The following CETP variants were observed in gnomAD, a reference collection of about 807,000 sequenced individuals.
CETP encodes BPI fold containing family F.
Under a neutral mutation model 66.5 loss-of-function variants are expected in CETP, and 56 were observed. That is an observed-to-expected ratio of 0.84 (90% CI 0.68 to 1.05). CETP has a LOEUF of 1.05. Ranked by LOEUF, CETP falls within the 50% of genes least tolerant of loss-of-function variation. CETP has a pLI of 0.00. For missense variants in CETP, 612 were observed against 609.6 expected, an observed-to-expected ratio of 1.00 and a Z score of -0.04; for synonymous variants, 251 against 245.7, an observed-to-expected ratio of 1.02 and a Z score of -0.20.
At chr16:56,977,275 T>C (rs2056156376) in intron 10 of CETP, among the ~76,000 whole-genome samples, 2 of 152,208 alleles carry the variant, frequency 1.3e-5, no homozygotes, top group South Asian at 4.2e-4. Flanking sequence ...TATCCAGCGG[T>C]TCAGTGGTTT....
At chr16:56,970,803 G>A (rs1301059300) in intron 5 of CETP, among the ~76,000 whole-genome samples, 2 of 152,234 alleles carry the variant, frequency 1.3e-5, no homozygotes, top group African/African-American at 4.8e-5. Flanking sequence ...TGTGACAGGT[G>A]TGAGCGTCAC....
intron 1 of CETP, among the ~76,000 whole-genome samples, chr16:56,962,762 A>G (rs2056033342): frequency 6.6e-6 from 1 of 152,062 alleles, no homozygotes; most frequent in Non-Finnish European, 1.5e-5. Flanking sequence ...TGGGGTTCCC[A>G]TGTGTCAGGA....
Position 56,970,835 on chromosome 16 carries a change from A to G in CETP, c.528-198A>G, listed in dbSNP as rs12720862. ...TCACAGGAGCTGGGCCCTCCCGAGG[A>G]ATTCTGGGATGGTGCCACAGTTAAT... On this transcript the variant is annotated intron_variant, in intron 5 of 15. Transcript: ENST00000200676. Among the ~76,000 whole-genome samples the G allele has an allele frequency of 0.026, 3,965 of 152,210 alleles. 190 individuals are homozygous for G. The highest frequency in any genetic ancestry group is 0.09 in the African/African-American group (3,743 of 41,518).
At chr16:56,973,154 C>G (rs935439147) in intron 8 of CETP, among the ~76,000 whole-genome samples, 177 bp from the exon 9 acceptor site, 7 of 152,172 alleles carry the variant, frequency 4.6e-5, no homozygotes, top group Admixed American at 6.6e-5. Flanking sequence ...GTGGGCACTC[C>G]GGAAGTATTT....
At chr16:56,980,238 TTTG>T (rs1397799188) in intron 11 of CETP, among the ~76,000 whole-genome samples, 4 of 152,228 alleles carry the variant, frequency 2.6e-5, no homozygotes, top group Non-Finnish European at 5.9e-5. Context: ...GCCGTTCTTT[TTTG>T]TTGTTGTTTG....
At position 56,969,629 on chromosome 16, in the gene CETP, C is replaced by T; in HGVS notation, c.387C>T (p.Ser129=). 6.2e-7 allele frequency: 1 copy of T among 1,614,164 alleles called. No homozygotes were observed. Among genetic ancestry groups the T allele is most frequent in the African/African-American group, 1.3e-5 (1 of 75,018 alleles). The change falls in exon 4 of 16, where the codon TCC becomes TCT. Residue 129 remains serine (S), a synonymous_variant. Coordinates refer to ENST00000200676, the MANE Select transcript of CETP (RefSeq NM_000078.3). Reference sequence around the variant, plus strand: ...TTTCCAGGCTGGGTATTGATCAGTCCATTGACTTCGAGATCGACTCTGCCA... The same window carrying T: ...TTTCCAGGCTGGGTATTGATCAGTCTATTGACTTCGAGATCGACTCTGCCA... ...TTAWWLGIDQ[S]IDFEIDSAID...
chr16:56,970,028 T>C (rs781374059), intron 5 of CETP, 27 bp downstream of exon 5: 6 of 1,599,586 alleles, frequency 3.8e-6, no homozygotes, highest in Admixed American at 1.7e-5. Context: ...GTGGCCCCCA[T>C]TCCTGCTCGT....
intron 2 of CETP, among the ~76,000 whole-genome samples, chr16:56,966,723 C>T (rs1253680481): frequency 2.0e-5 from 3 of 151,940 alleles, no homozygotes; most frequent in Non-Finnish European, 4.4e-5. Context: ...CCTCAACCTC[C>T]CGAGCAGCTG....
In CETP at chr16:56,969,527, A is replaced by C. The variant is rs746780900; in HGVS notation, c.368+7A>C. 2 of 1,614,210 alleles carry C rather than the reference A, an allele frequency of 1.2e-6. No individual in the cohort carries two copies. The highest frequency in any genetic ancestry group is 2.2e-5 in the South Asian group (2 of 91,082). ...GCTACACCACTGCCTGGTGGTAAGC[A>C]TTCCTGTCAGCTGATGCCCCATGCC... On this transcript the variant is annotated splice_region_variant and intron_variant, in intron 3 of 15. Transcript: ENST00000200676.
At chr16:56,967,475 T>G (rs145143326) in intron 2 of CETP, among the ~76,000 whole-genome samples, 2,308 of 152,038 alleles carry the variant, frequency 0.015, 98 homozygotes, top group East Asian at 0.12. Flanking sequence ...GGCAACATGG[T>G]GAAACCCCCT....
At chr16:56,967,836 G>T (rs1269476609) in intron 2 of CETP, among the ~76,000 whole-genome samples, 1 of 152,010 alleles carries the variant, frequency 6.6e-6, no homozygotes, top group African/African-American at 2.4e-5. Flanking sequence ...CAGTGTTGGT[G>T]CATGCCTGTG....
chr16:56,983,453 G>A (rs747666098), intron 15 of CETP, 42 bp downstream of exon 15: 10 of 1,604,366 alleles, frequency 6.2e-6, no homozygotes, highest in South Asian at 1.1e-5. Context: ...TTCCTGGGGA[G>A]AGAGGCCCAG....
chr16:56,970,000 G>C lies in CETP; in HGVS notation c.526G>C (p.Glu176Gln), dbSNP rs1451061046. 6.2e-7 allele frequency: 1 copy of C among 1,613,324 alleles called. No homozygotes were observed. Among genetic ancestry groups the C allele is most frequent in the South Asian group, 1.1e-5 (1 of 90,974 alleles). Reference protein sequence around the residue: ...KLLLHLQGEREPGWIKQLFTN... With the variant: ...KLLLHLQGERQPGWIKQLFTN... ...GCTCCTGCATCTCCAAGGGGAGCGA[G>C]AGTAAGTACACCACCCTGTGGCCCC... The change falls in exon 5 of 16, where the codon GAG (glutamate) becomes CAG (glutamine). Residue 176 changes from glutamate to glutamine, a missense_variant and splice_region_variant. Transcript: ENST00000200676.
In CETP at chr16:56,980,328, G is replaced by T. The variant is rs553282787; in HGVS notation, c.1147-830G>T. On this transcript the variant is annotated intron_variant, in intron 11 of 15. Coordinates refer to ENST00000200676, the MANE Select transcript of CETP (RefSeq NM_000078.3). ...CTCCCACCTCAGCTTCTCGACTAGA[G>T]ATGTGCACTACCACGTATTTTTTTG... 4.6e-5 allele frequency among the ~76,000 whole-genome samples: 7 copies of T among 152,230 alleles called. No individual in the cohort carries two copies. The South Asian group carries it at 1.5e-3, about 32-fold the overall frequency.
rs531479053 is a variant in CETP, at chr16:56,964,116, T to A, written c.233+992T>A. 1.2e-4 allele frequency among the ~76,000 whole-genome samples: 18 copies of A among 151,954 alleles called. No individual in the cohort carries two copies. The South Asian group carries it at 3.3e-3, about 28-fold the overall frequency. On this transcript the variant is annotated intron_variant, in intron 2 of 15. Coordinates refer to ENST00000200676, the MANE Select transcript of CETP (RefSeq NM_000078.3). ...ATCTCAGCTCACTGCAACCTCCACC[T>A]CCCGGGTTCAAGACGTTCTCCTGCC... is the stretch of plus-strand genomic sequence containing the variant.
At chr16:56,962,823 C>T (rs1177075416) in intron 1 of CETP, among the ~76,000 whole-genome samples, 187 bp from the exon 2 acceptor site, 1 of 152,130 alleles carries the variant, frequency 6.6e-6, no homozygotes, top group Admixed American at 6.5e-5. Flanking sequence ...AGGGTCAGAG[C>T]TCTCTGTGTC....
intron 10 of CETP, among the ~76,000 whole-genome samples, chr16:56,975,939 G>A (rs535766702): frequency 8.5e-5 from 13 of 152,208 alleles, no homozygotes; most frequent in South Asian, 6.2e-4. Flanking sequence ...GCCTTCCTGC[G>A]GCCGTTCTCC....
chr16:56,968,050 A>AT (rs369199710), intron 2 of CETP, among the ~76,000 whole-genome samples: 14 of 151,024 alleles, frequency 9.3e-5, no homozygotes, highest in Admixed American at 3.3e-4. Context: ...TTGCCAATCT[A>AT]TTTTTTTTTA....
chr16:56,978,580 A>C (rs1481779672), intron 11 of CETP, among the ~76,000 whole-genome samples: 1 of 151,520 alleles, frequency 6.6e-6, no homozygotes, highest in East Asian at 1.9e-4. Flanking sequence ...CCTGGGCTCG[A>C]GTGATCCTCC....
Sources: allele counts gnomAD v4.1 joint callset (sites outside exome capture counted in the v4.1 genomes callset), GRCh38; gene constraint gnomAD v4.1.1; transcripts MANE v1.5; gene names NCBI Gene and HGNC (gene_info 2026-07-23, HGNC 2026-07-21).